Variants in CYRIB observed in about 807,000 individuals in gnomAD.
CYRIB encodes CYFIP-related Rac1 interactor B.
Under a neutral mutation model 44.2 loss-of-function variants are expected in CYRIB, and 8 were observed. The observed-to-expected ratio is 0.18, with a 90% CI of 0.11 to 0.33. CYRIB has a LOEUF of 0.33. Among genes scored for constraint, CYRIB ranks in the 10% least tolerant of loss-of-function variants. The pLI is 1.00. For synonymous variants in CYRIB, 131 were observed against 127.2 expected (o/e 1.03, Z -0.20); for missense variants, 185 against 382.8 (o/e 0.48, Z 4.31).
intron 1 of CYRIB, among the ~76,000 whole-genome samples, chr8:130,000,671 G>A (rs1277724675): frequency 6.6e-6 from 1 of 151,998 alleles, no homozygotes; most frequent in Non-Finnish European, 1.5e-5. Context: ...CAGCATGGGT[G>A]ACAGAGCAAG....
intron 1 of CYRIB, among the ~76,000 whole-genome samples, chr8:130,011,057 C>T (rs2097202093): frequency 6.6e-6 from 1 of 152,212 alleles, no homozygotes; most frequent in African/African-American, 2.4e-5. Flanking sequence ...GCAGGTCTCA[C>T]TAAAACATAG....
At chr8:129,924,291 C>CGG (rs796090081) in intron 1 of CYRIB, among the ~76,000 whole-genome samples, 22 of 1,410 alleles carry the variant, frequency 0.016, no homozygotes, top group Non-Finnish European at 0.036. Flanking sequence ...AAAAAAAAAC[C>CGG]GGGGGGGGGG....
At chr8:129,941,683 A>T (rs147493065), upstream of CYRIB, among the ~76,000 whole-genome samples, 69 of 152,328 alleles carry the variant, frequency 4.5e-4, no homozygotes, top group South Asian at 1.0e-2. Context: ...ACCTGGGTCC[A>T]GATGGATCAC....
At chr8:129,894,804 CT>C (rs1382241265) in intron 2 of CYRIB, among the ~76,000 whole-genome samples, 1 of 151,936 alleles carries the variant, frequency 6.6e-6, no homozygotes, top group Non-Finnish European at 1.5e-5. Context: ...TTTCTAGTAT[CT>C]TTGTAACCAA....
chr8:129,862,411 T>C (rs1239824127), intron 4 of CYRIB, 77 bp from the exon 7 acceptor site: 2 of 1,090,058 alleles, frequency 1.8e-6, no homozygotes, highest in Non-Finnish European at 2.7e-6. Flanking sequence ...ATGTAGGCTT[T>C]AGCAAACATA....
chr8:129,961,838 T>C (rs1180354478), intron 2 of CYRIB, among the ~76,000 whole-genome samples: 6 of 152,234 alleles, frequency 3.9e-5, no homozygotes, highest in African/African-American at 1.2e-4. Context: ...CTTCTGAAAC[T>C]GGCAGACCTA....
chr8:129,877,463 C>G (rs996449002), intron 3 of CYRIB, among the ~76,000 whole-genome samples: 3 of 152,050 alleles, frequency 2.0e-5, no homozygotes, highest in African/African-American at 7.2e-5. Context: ...GCCTGGGCAA[C>G]AGAGTGAAAC....
At chr8:129,926,507 G>A (rs2087816512) in intron 1 of CYRIB, among the ~76,000 whole-genome samples, 1 of 152,054 alleles carries the variant, frequency 6.6e-6, no homozygotes, top group Non-Finnish European at 1.5e-5. Flanking sequence ...TCCTAGAGCT[G>A]TTACATCTCT....
At chr8:129,920,012 CTATTTA>C (rs939365866) in intron 1 of CYRIB, among the ~76,000 whole-genome samples, 2 of 150,166 alleles carry the variant, frequency 1.3e-5, no homozygotes, top group African/African-American at 4.9e-5. Flanking sequence ...TCTGTTATTT[CTATTTA>C]TTGGATAGCT....
chr8:129,867,148 A>G (rs145130799), intron 4 of CYRIB, among the ~76,000 whole-genome samples: 290 of 152,198 alleles, frequency 1.9e-3, no homozygotes, highest in African/African-American at 6.4e-3. Flanking sequence ...ATTTTGATGG[A>G]GTTTCACTCT....
intron 10 of CYRIB, 140 bp from the exon 13 acceptor site, chr8:129,847,014 C>A: frequency 3.7e-6 from 2 of 541,218 alleles, no homozygotes; most frequent in Non-Finnish European, 6.3e-6. Flanking sequence ...ATTCTTAGAA[C>A]AGAAAAAAAC....
At position 129,975,706 on chromosome 8, in the gene CYRIB, A is replaced by G. The variant is rs2132400269; in HGVS notation, c.-295-4711T>C. ...CACTTAATAGGAAACAGACGAAGGAAAACAGGTGTTTTGCTTATTCTACTT... is the reference window on the plus strand; with the variant it reads ...CACTTAATAGGAAACAGACGAAGGAGAACAGGTGTTTTGCTTATTCTACTT... On this transcript the variant is annotated intron_variant, in intron 1 of 14. Transcript: ENST00000401979. Among the ~76,000 whole-genome samples, 3 of 152,348 alleles carry G rather than the reference A, an allele frequency of 2.0e-5. No homozygotes were observed. In the South Asian group the frequency reaches 6.2e-4, roughly 32 times the overall value.
chr8:129,985,331 C>A (rs1480723525), intron 1 of CYRIB, among the ~76,000 whole-genome samples: 1 of 152,190 alleles, frequency 6.6e-6, no homozygotes, highest in Non-Finnish European at 1.5e-5. Context: ...GTCTTTCTCA[C>A]GGCCTCTCCA....
rs1348410873 is a variant in CYRIB at position 129,982,388 on chromosome 8, T to G, written c.-295-11393A>C. On this transcript the variant is annotated intron_variant, in intron 1 of 14. Coordinates refer to the CYRIB transcript ENST00000401979. ...GCTACTGTGACTGAGGAACTGAATTTTTAATTTTATTTAATTTTAACTAAC... is the reference window on the plus strand; with the variant it reads ...GCTACTGTGACTGAGGAACTGAATTGTTAATTTTATTTAATTTTAACTAAC... Among the ~76,000 whole-genome samples, 4 of 152,156 alleles carry G rather than the reference T, an allele frequency of 2.6e-5. No individual in the cohort carries two copies. In the East Asian group the frequency reaches 7.7e-4, roughly 29 times the overall value.
At chr8:129,895,675 C>G (rs1046957731) in intron 2 of CYRIB, among the ~76,000 whole-genome samples, 89 of 152,100 alleles carry the variant, frequency 5.9e-4, no homozygotes, top group African/African-American at 1.9e-3. Flanking sequence ...TTCCTGAGAT[C>G]AAGTCTGCTT....
intron 1 of CYRIB, among the ~76,000 whole-genome samples, chr8:129,907,399 C>A (rs1563746604): frequency 6.6e-6 from 1 of 151,226 alleles, no homozygotes; most frequent in South Asian, 2.1e-4. Flanking sequence ...TGAACAATGA[C>A]AACACTTGGA....
intron 1 of CYRIB, among the ~76,000 whole-genome samples, chr8:130,003,813 T>G (rs1273689205): frequency 6.6e-6 from 1 of 152,174 alleles, no homozygotes; most frequent in Non-Finnish European, 1.5e-5. Flanking sequence ...CGTTTATTCC[T>G]CATTTATTCT....
At chr8:130,011,188 G>A (rs989747382) in intron 1 of CYRIB, among the ~76,000 whole-genome samples, 2 of 152,110 alleles carry the variant, frequency 1.3e-5, no homozygotes, top group African/African-American at 2.4e-5. Flanking sequence ...TTACTCAGTG[G>A]CCCTCTCCGA....
chr8:130,016,844 G>A (rs1201358599), upstream of CYRIB: 3 of 152,278 alleles, frequency 2.0e-5, no homozygotes, highest in African/African-American at 7.2e-5. Flanking sequence ...GTCACCGCGG[G>A]GCGCGCTGCG....
Sources: gnomAD v4.1 joint callset for allele counts (sites outside exome capture counted in the v4.1 genomes callset) on GRCh38, gnomAD v4.1.1 for gene constraint, MANE v1.5 for transcripts, NCBI Gene and HGNC (gene_info 2026-07-23, HGNC 2026-07-21) for gene names.